Variants in SLC8A1 observed in about 807,000 individuals in gnomAD.
The protein encoded by SLC8A1 is solute carrier family 8 member A1.
In SLC8A1, 18 loss-of-function variants were observed where a neutral mutation model predicts 68.3. The ratio of observed to expected loss-of-function variants is 0.26; its 90% CI spans 0.18 to 0.39. The LOEUF (loss-of-function observed/expected upper bound fraction) is 0.39, where lower values mean the gene tolerates loss of function less well. Among genes scored for constraint, SLC8A1 ranks in the 10% least tolerant of loss-of-function variants. SLC8A1 has a pLI of 1.00. For missense variants in SLC8A1, 985 were observed against 1,156.7 expected (o/e 0.85, Z 2.15); for synonymous variants, 475 against 415.5 (o/e 1.14, Z -1.74).
intron 7 of SLC8A1, among the ~76,000 whole-genome samples, chr2:40,117,261 C>T (rs969571040): frequency 1.3e-5 from 2 of 151,776 alleles, no homozygotes; most frequent in African/African-American, 4.8e-5. Flanking sequence ...CATCAAAGTC[C>T]TGGCTGGGCA....
intron 2 of SLC8A1, among the ~76,000 whole-genome samples, chr2:40,194,469 ATGTGTGTGTGTGTGTGTGTGTGTG>A (rs543194094): frequency 7.3e-6 from 1 of 137,328 alleles, no homozygotes; most frequent in African/African-American, 2.7e-5. Flanking sequence ...TCAGTAAGCA[ATGTGTGTGTGTGTGTGTGTGTGTG>A]TGTGTGTGTG....
intron 6 of SLC8A1, among the ~76,000 whole-genome samples, chr2:40,154,927 A>G (rs1269038994): frequency 1.3e-5 from 2 of 152,108 alleles, no homozygotes; most frequent in Non-Finnish European, 2.9e-5. Flanking sequence ...GGACAGTTCT[A>G]CCTACTTTTG....
At chr2:40,301,607 A>C (rs1396437605) in intron 2 of SLC8A1, among the ~76,000 whole-genome samples, 1 of 152,114 alleles carries the variant, frequency 6.6e-6, no homozygotes, top group Non-Finnish European at 1.5e-5. Flanking sequence ...GGTGGGAGGG[A>C]AGTGAGGGAT....
intron 2 of SLC8A1, among the ~76,000 whole-genome samples, chr2:40,232,596 CTGT>C (rs2059800331): frequency 1.9e-5 from 2 of 107,802 alleles, no homozygotes; most frequent in Admixed American, 9.6e-5. Flanking sequence ...ACTTTGTATT[CTGT>C]TTTTTTTTTT....
chr2:40,158,276 T>TACTG (rs2044975062), intron 6 of SLC8A1, among the ~76,000 whole-genome samples: 1 of 152,188 alleles, frequency 6.6e-6, no homozygotes, highest in Admixed American at 6.5e-5. Context: ...AGCCTAAGAA[T>TACTG]ACTGACATTC....
chr2:40,478,977 G>A (rs911305997), intron 1 of SLC8A1, among the ~76,000 whole-genome samples: 7 of 151,936 alleles, frequency 4.6e-5, no homozygotes, highest in African/African-American at 1.5e-4. Flanking sequence ...TCACCATGTT[G>A]GCCAGGATAG....
intron 2 of SLC8A1, among the ~76,000 whole-genome samples, chr2:40,179,423 T>G (rs2049047841): frequency 6.6e-6 from 1 of 152,226 alleles, no homozygotes. Flanking sequence ...CAAATGCAAA[T>G]ATTATGCAAA....
intron 2 of SLC8A1, among the ~76,000 whole-genome samples, chr2:40,240,280 C>T (rs75736679): frequency 0.029 from 4,487 of 152,252 alleles, 117 homozygotes; most frequent in Non-Finnish European, 0.036. Context: ...AAGTCTCCGA[C>T]GGAGCGGAGG....
chr2:40,435,065 T>C (rs1699126127), intron 1 of SLC8A1, among the ~76,000 whole-genome samples: 1 of 152,138 alleles, frequency 6.6e-6, no homozygotes, highest in African/African-American at 2.4e-5. Flanking sequence ...TATGCTGGCA[T>C]TCCTAACAGC....
At position 40,177,392 on chromosome 2, in the gene SLC8A1, C is replaced by A. The variant is rs146590533; in HGVS notation, c.1912+360G>T. ...AGGTATGATTGATGAGGTATTAAGT[C>A]GTCTTTATCACTAAAATTTTAGGGA... On this transcript the variant is annotated intron_variant, in intron 3 of 7. Transcript: ENST00000406785. Among the ~76,000 whole-genome samples, 96 of 152,128 alleles carry A rather than the reference C, an allele frequency of 6.3e-4. 1 individual carries two copies. The highest frequency in any genetic ancestry group is 2.0e-3 in the African/African-American group (81 of 41,504).
chr2:40,166,272 C>T (rs2046540621), intron 4 of SLC8A1, among the ~76,000 whole-genome samples: 1 of 151,952 alleles, frequency 6.6e-6, no homozygotes, highest in Non-Finnish European at 1.5e-5. Context: ...GCTAGCTGCT[C>T]GTTGTGAGGG....
intron 2 of SLC8A1, among the ~76,000 whole-genome samples, chr2:40,319,433 C>T (rs2074912972): frequency 6.6e-6 from 1 of 152,074 alleles, no homozygotes; most frequent in Non-Finnish European, 1.5e-5. Flanking sequence ...TTTGCAGTTC[C>T]TAGTCAATTA....
At chr2:40,391,641 G>C (rs936204954) in intron 2 of SLC8A1, among the ~76,000 whole-genome samples, 1 of 151,956 alleles carries the variant, frequency 6.6e-6, no homozygotes, top group East Asian at 1.9e-4. Flanking sequence ...TCTGAGACTA[G>C]AAGAGCCCCT....
chr2:40,375,661 C>T (rs780390581), intron 2 of SLC8A1, among the ~76,000 whole-genome samples: 7 of 152,018 alleles, frequency 4.6e-5, no homozygotes, highest in Non-Finnish European at 7.4e-5. Flanking sequence ...AGTTAAGACC[C>T]ACTCCCAAAG....
intron 1 of SLC8A1, among the ~76,000 whole-genome samples, chr2:40,494,472 A>G (rs1204437861): frequency 6.6e-6 from 1 of 151,722 alleles, no homozygotes; most frequent in Non-Finnish European, 1.5e-5. Flanking sequence ...ATACGTGTGC[A>G]TGTGTCTTTA....
exon 2 of SLC8A1, chr2:40,430,003 G>C: frequency 6.2e-7 from 1 of 1,613,892 alleles, no homozygotes; most frequent in South Asian, 1.1e-5. Flanking sequence ...AGCTATGATA[G>C]AGACTCCAAG....
intron 1 of SLC8A1, among the ~76,000 whole-genome samples, chr2:40,432,961 G>C (rs999179374): frequency 6.6e-6 from 1 of 152,040 alleles, no homozygotes; most frequent in Middle Eastern, 3.2e-3. Flanking sequence ...GAAATGTCTT[G>C]GGGACCTGAA....
At chr2:40,271,708 T>C (rs2149138078) in intron 2 of SLC8A1, among the ~76,000 whole-genome samples, 1 of 152,288 alleles carries the variant, frequency 6.6e-6, no homozygotes. Flanking sequence ...ATAAATTCAA[T>C]GTATATTTGA....
intron 2 of SLC8A1, among the ~76,000 whole-genome samples, chr2:40,397,163 G>C (rs76473386): frequency 0.014 from 2,104 of 152,186 alleles, 22 homozygotes; most frequent in Non-Finnish European, 0.02. Flanking sequence ...GTAATTCCTG[G>C]CACATAGTAG....
Sources: allele counts gnomAD v4.1 joint callset (sites outside exome capture counted in the v4.1 genomes callset), GRCh38; gene constraint gnomAD v4.1.1; transcripts MANE v1.5; gene names NCBI Gene and HGNC (gene_info 2026-07-23, HGNC 2026-07-21).